The following SOX5 variants were observed in gnomAD, a reference collection of about 807,000 sequenced individuals.
SOX5 encodes the protein transcription factor SOX-5.
A neutral mutation model predicts 92.0 loss-of-function variants in SOX5; 9 were observed. The ratio of observed to expected loss-of-function variants is 0.10; its 90% confidence interval spans 0.06 to 0.17. The LOEUF is 0.17. Ranked by LOEUF, SOX5 falls within the 10% of genes least tolerant of loss-of-function variation. SOX5 has a pLI of 1.00. For missense variants in SOX5, 642 were observed against 944.5 expected (o/e 0.68, Z 4.20); for synonymous variants, 344 against 336.3 (o/e 1.02, Z -0.25).
At chr12:23,824,048 A>G (rs2096180332) in intron 3 of SOX5, among the ~76,000 whole-genome samples, 2 of 152,116 alleles carry the variant, frequency 1.3e-5, no homozygotes, top group African/African-American at 4.8e-5. Context: ...GTTTCCTTGC[A>G]TTGGGTTAGA....
chr12:23,604,186 C>G, intron 9 of SOX5: 1 of 553,512 alleles, frequency 1.8e-6, no homozygotes. Flanking sequence ...TATCGATACA[C>G]GCATATTGAA....
chr12:23,867,595 C>G (rs1312767387), intron 2 of SOX5, among the ~76,000 whole-genome samples: 1 of 151,974 alleles, frequency 6.6e-6, no homozygotes, highest in East Asian at 1.9e-4. Context: ...ACTAGAACTT[C>G]TTTCTTTAAA....
intron 3 of SOX5, among the ~76,000 whole-genome samples, chr12:23,774,092 A>G (rs1360460077): frequency 6.6e-6 from 1 of 152,168 alleles, no homozygotes; most frequent in Non-Finnish European, 1.5e-5. Context: ...AGAGACAGAG[A>G]CAAAAACGGT....
At chr12:24,237,344 C>A (rs138527403) in intron 3 of SOX5, among the ~76,000 whole-genome samples, 133 of 152,226 alleles carry the variant, frequency 8.7e-4, no homozygotes, top group African/African-American at 2.9e-3. Context: ...AAACACCTGG[C>A]TAGTTCACTG....
intron 2 of SOX5, among the ~76,000 whole-genome samples, chr12:24,332,034 C>A (rs909945986): frequency 6.6e-6 from 1 of 151,744 alleles, no homozygotes; most frequent in African/African-American, 2.4e-5. Context: ...GTCTAAGAAC[C>A]TGTCAGTTCA....
intron 14 of SOX5, among the ~76,000 whole-genome samples, chr12:23,535,265 C>T (rs1337420685): frequency 6.6e-6 from 1 of 152,092 alleles, no homozygotes; most frequent in Non-Finnish European, 1.5e-5. Flanking sequence ...TTAGAGTTCT[C>T]AAAATAAAAC....
chr12:24,399,058 C>T (rs1181234354), intron 1 of SOX5, among the ~76,000 whole-genome samples: 1 of 152,112 alleles, frequency 6.6e-6, no homozygotes, highest in African/African-American at 2.4e-5. Context: ...TTTTTTGGAC[C>T]CCCACCAAAA....
intron 7 of SOX5, among the ~76,000 whole-genome samples, chr12:23,645,983 G>T (rs115072644): frequency 0.015 from 2,303 of 152,142 alleles, 52 homozygotes; most frequent in African/African-American, 0.053. Context: ...GTGTGCAATA[G>T]AATTATGTCT....
intron 7 of SOX5, among the ~76,000 whole-genome samples, chr12:23,645,814 T>G (rs950610745): frequency 2.6e-5 from 4 of 152,230 alleles, no homozygotes; most frequent in Non-Finnish European, 5.9e-5. Context: ...CCATATTGTA[T>G]GTGTATAAAT....
chr12:24,500,792 C>A lies in SOX5; in HGVS notation c.-251+61537G>T, dbSNP rs550078493. 5.9e-5 allele frequency among the ~76,000 whole-genome samples: 9 copies of A among 152,278 alleles called. 1 individual carries two copies. The South Asian group carries it at 1.7e-3, about 28-fold the overall frequency. ...TTGGCTTCTCCCAAACAAATATAAA[C>A]CGGCATTTTTACACACTTTCCACTT... On this transcript the variant is annotated intron_variant, in intron 1 of 4. Coordinates refer to the SOX5 transcript ENST00000446891.
chr12:23,732,842 C>G (rs968367115), intron 6 of SOX5, among the ~76,000 whole-genome samples: 1 of 152,088 alleles, frequency 6.6e-6, no homozygotes, highest in South Asian at 2.1e-4. Flanking sequence ...TTAAACTTGG[C>G]CTTTGCTCTC....
intron 4 of SOX5, among the ~76,000 whole-genome samples, chr12:24,086,799 A>G (rs895402308): frequency 3.9e-5 from 6 of 152,164 alleles, no homozygotes; most frequent in Non-Finnish European, 7.4e-5. Flanking sequence ...AAACCCACTA[A>G]GGTTAGGAAG....
chr12:24,087,089 TTCTAC>T (rs1593028637), intron 4 of SOX5, among the ~76,000 whole-genome samples: 2 of 152,176 alleles, frequency 1.3e-5, no homozygotes, highest in East Asian at 3.9e-4. Flanking sequence ...ATGCATATGT[TTCTAC>T]ATGTTGGACA....
chr12:24,436,018 T>C (rs755477590), intron 1 of SOX5, among the ~76,000 whole-genome samples: 6 of 152,176 alleles, frequency 3.9e-5, no homozygotes, highest in Admixed American at 1.3e-4. Flanking sequence ...ACTTAATTGA[T>C]AGATATTGTG....
At chr12:23,853,960 T>C (rs1442937181) in intron 2 of SOX5, among the ~76,000 whole-genome samples, 1 of 152,146 alleles carries the variant, frequency 6.6e-6, no homozygotes, top group Admixed American at 6.6e-5. Flanking sequence ...TTAACATGTA[T>C]TGTAACTAGC....
rs192280549 is a variant in SOX5, at chr12:24,403,562, T to G, written c.-250-34923A>C. On this transcript the variant is annotated intron_variant, in intron 1 of 4. Transcript: ENST00000446891. Reference sequence around the variant, plus strand: ...GTGTGCAGCTGTATTTGTTTTACAATGCGAAATTCAATTTACAATAAAATA... The same window carrying G: ...GTGTGCAGCTGTATTTGTTTTACAAGGCGAAATTCAATTTACAATAAAATA... 2.2e-3 allele frequency among the ~76,000 whole-genome samples: 337 copies of G among 152,358 alleles called. 4 individuals are homozygous for G. Among genetic ancestry groups the G allele is most frequent in the African/African-American group, 7.9e-3 (327 of 41,580 alleles).
intron 4 of SOX5, among the ~76,000 whole-genome samples, chr12:24,162,871 T>C (rs1952920964): frequency 6.6e-6 from 1 of 152,138 alleles, no homozygotes; most frequent in African/African-American, 2.4e-5. Flanking sequence ...GGTCATCCAC[T>C]TCCGACAGAG....
At chr12:24,424,374 C>T (rs756007904) in intron 1 of SOX5, among the ~76,000 whole-genome samples, 35 of 152,222 alleles carry the variant, frequency 2.3e-4, no homozygotes, top group Non-Finnish European at 4.6e-4. Context: ...TGTTACACAC[C>T]TTAAAACATA....
At chr12:24,341,644 A>G (rs1356798231) in intron 2 of SOX5, among the ~76,000 whole-genome samples, 4 of 152,206 alleles carry the variant, frequency 2.6e-5, no homozygotes, top group African/African-American at 7.2e-5. Context: ...CCTGCAAATA[A>G]CATTTCCCTA....
Sources: gnomAD v4.1 joint callset for allele counts (sites outside exome capture counted in the v4.1 genomes callset) on GRCh38, gnomAD v4.1.1 for gene constraint, MANE v1.5 for transcripts, NCBI Gene and HGNC (gene_info 2026-07-23, HGNC 2026-07-21) for gene names.